Variants in HDAC9 observed in about 807,000 individuals in gnomAD.
HDAC9 encodes the protein histone deacetylase 9, also known as MEF-2 interacting transcription repressor (MITR) protein.
Under a neutral mutation model 139.4 loss-of-function variants are expected in HDAC9, and 41 were observed. The observed-to-expected ratio is 0.29, with a 90% confidence interval of 0.23 to 0.38. HDAC9 has a LOEUF of 0.38. HDAC9 is among the 10% of genes least tolerant of loss of function. The pLI is 1.00. For synonymous variants in HDAC9, 517 were observed against 476.2 expected, an observed-to-expected ratio of 1.09 and a Z score of -1.12; for missense variants, 1,147 against 1,297.0, an observed-to-expected ratio of 0.88 and a Z score of 1.78.
At chr7:18,656,756 G>A (rs1791338296) in intron 11 of HDAC9, among the ~76,000 whole-genome samples, 1 of 152,094 alleles carries the variant, frequency 6.6e-6, no homozygotes. Flanking sequence ...TAGGAGTGCA[G>A]ATATCTCTTT....
intron 12 of HDAC9, among the ~76,000 whole-genome samples, chr7:18,676,214 TA>T (rs1361254202): frequency 6.6e-6 from 1 of 152,072 alleles, no homozygotes; most frequent in African/African-American, 2.4e-5. Context: ...TTCTTATTTT[TA>T]TTTTTATAGC....
chr7:18,456,483 C>T (rs1225258656), intron 1 of HDAC9, among the ~76,000 whole-genome samples: 3 of 152,138 alleles, frequency 2.0e-5, no homozygotes, highest in Non-Finnish European at 2.9e-5. Context: ...TATCCACCCA[C>T]GTCGGCCTCC....
chr7:18,904,638 C>A (rs1392520451), intron 22 of HDAC9, among the ~76,000 whole-genome samples: 1 of 141,590 alleles, frequency 7.1e-6, no homozygotes, highest in Non-Finnish European at 1.5e-5. Context: ...AGTGCAGTGA[C>A]GCGATCCGCT....
At chr7:18,659,231 C>T (rs1792352203) in intron 11 of HDAC9, among the ~76,000 whole-genome samples, 3 of 152,028 alleles carry the variant, frequency 2.0e-5, no homozygotes, top group South Asian at 2.1e-4. Context: ...AGTACATATG[C>T]TTATAGAGAC....
intron 12 of HDAC9, among the ~76,000 whole-genome samples, chr7:18,679,363 G>T (rs143268332): frequency 1.2e-4 from 19 of 152,016 alleles, no homozygotes; most frequent in African/African-American, 4.1e-4. Flanking sequence ...GAGGACCTGT[G>T]CATCCTACAA....
intron 22 of HDAC9, among the ~76,000 whole-genome samples, chr7:18,917,002 G>C (rs1295495033): frequency 1.3e-5 from 2 of 151,958 alleles, no homozygotes; most frequent in Non-Finnish European, 2.9e-5. Flanking sequence ...ACATTTTATT[G>C]ATGTTAGAAT....
chr7:18,905,821 A>G (rs1209117215), intron 22 of HDAC9, among the ~76,000 whole-genome samples: 1 of 151,948 alleles, frequency 6.6e-6, no homozygotes, highest in Non-Finnish European at 1.5e-5. Flanking sequence ...TCCCTCATCA[A>G]GTTTTATAGT....
intron 16 of HDAC9, among the ~76,000 whole-genome samples, chr7:18,791,193 A>G (rs893293832): frequency 3.3e-5 from 5 of 152,226 alleles, no homozygotes; most frequent in African/African-American, 9.6e-5. Flanking sequence ...GCTTTAAGAA[A>G]TAAAGAAAGA....
intron 12 of HDAC9, chr7:18,668,735 C>G (rs1429767264): frequency 1.0e-6 from 1 of 977,384 alleles, no homozygotes; most frequent in Non-Finnish European, 1.2e-6. Flanking sequence ...AATTTACACC[C>G]TTGAAGGTGA....
At chr7:18,435,901 TAAA>T (rs1791152884) in intron 1 of HDAC9, among the ~76,000 whole-genome samples, 1 of 148,334 alleles carries the variant, frequency 6.7e-6, no homozygotes, top group Non-Finnish European at 1.5e-5. Flanking sequence ...ATATATATAA[TAAA>T]ATATATAATA....
chr7:18,935,101 T>C (rs1232199018), intron 22 of HDAC9, among the ~76,000 whole-genome samples: 1 of 152,100 alleles, frequency 6.6e-6, no homozygotes, highest in Non-Finnish European at 1.5e-5. Context: ...GCAATGGAAT[T>C]ATAAACTCAG....
At chr7:18,772,715 A>G (rs1005917523) in intron 16 of HDAC9, among the ~76,000 whole-genome samples, 2 of 152,054 alleles carry the variant, frequency 1.3e-5, no homozygotes, top group Admixed American at 1.3e-4. Context: ...CATCAGCTTC[A>G]GACTTGATGC....
intron 12 of HDAC9, among the ~76,000 whole-genome samples, chr7:18,671,732 G>A (rs1054320912): frequency 3.3e-5 from 5 of 151,644 alleles, no homozygotes; most frequent in African/African-American, 9.7e-5. Flanking sequence ...CCCACTCCAC[G>A]CTCGTTCTTG....
Position 18,739,752 on chromosome 7 carries a change from A to G in HDAC9, c.1910-9253A>G, listed in dbSNP as rs192332598. Among the ~76,000 whole-genome samples, 424 of 152,340 alleles carry G rather than the reference A, an allele frequency of 2.8e-3. 2 individuals carry two copies. Among genetic ancestry groups the G allele is most frequent in the African/African-American group, 9.7e-3 (404 of 41,584 alleles). ...ACCCACTCGAGGAGGCAGTCTGTCCATTCTCAGAGCTCAAATGCCGTGCTG... is the reference window on the plus strand; with the variant it reads ...ACCCACTCGAGGAGGCAGTCTGTCCGTTCTCAGAGCTCAAATGCCGTGCTG... On this transcript the variant is annotated intron_variant, in intron 13 of 25. Transcript: ENST00000686413.
intron 1 of HDAC9, among the ~76,000 whole-genome samples, chr7:18,364,095 T>C (rs1783993865): frequency 6.6e-6 from 1 of 152,138 alleles, no homozygotes; most frequent in South Asian, 2.1e-4. Flanking sequence ...TCTCCTTCTT[T>C]ATCACTTCTT....
rs535432252 is a variant in HDAC9 at position 18,178,419 on chromosome 7, A to G, written c.25+16070A>G. Among the ~76,000 whole-genome samples, 3 of 152,332 alleles carry G rather than the reference A, an allele frequency of 2.0e-5. No homozygotes were observed. The East Asian group carries it at 5.8e-4, about 29-fold the overall frequency. ...CTAAGGTGGCTTATCTATTCATTGA[A>G]CAACAAACATTGCAATAGGGTAGTC... is the stretch of plus-strand genomic sequence containing the variant. On this transcript the variant is annotated intron_variant, in intron 2 of 12. Coordinates refer to the HDAC9 transcript ENST00000417496.
intron 1 of HDAC9, among the ~76,000 whole-genome samples, chr7:18,398,140 C>T (rs879217870): frequency 6.6e-6 from 1 of 152,180 alleles, no homozygotes; most frequent in Non-Finnish European, 1.5e-5. Flanking sequence ...GAAGTCATCC[C>T]TTGTAGCTTC....
At chr7:18,742,567 G>T (rs1787559069) in intron 13 of HDAC9, among the ~76,000 whole-genome samples, 2 of 152,112 alleles carry the variant, frequency 1.3e-5, no homozygotes, top group African/African-American at 2.4e-5. Context: ...GGATGATTTG[G>T]AATCTAACCA....
rs956486179 is a variant in HDAC9, at chr7:18,944,507, C to T, written c.2937+8565C>T. Among the ~76,000 whole-genome samples, 3 of 152,148 alleles carry T rather than the reference C, an allele frequency of 2.0e-5. No homozygotes were observed. In the East Asian group the frequency reaches 5.8e-4, roughly 29 times the overall value. ...ACTTTGTTTCCCTATTCTCTTACATCACAGTGCTTTTAATTTTTTTTGGAT... is the reference window on the plus strand; with the variant it reads ...ACTTTGTTTCCCTATTCTCTTACATTACAGTGCTTTTAATTTTTTTTGGAT... On this transcript the variant is annotated intron_variant, in intron 23 of 25. Transcript: ENST00000686413.
Sources: gnomAD v4.1 joint callset for allele counts (sites outside exome capture counted in the v4.1 genomes callset) on GRCh38, gnomAD v4.1.1 for gene constraint, MANE v1.5 for transcripts, NCBI Gene and HGNC (gene_info 2026-07-23, HGNC 2026-07-21) for gene names.